The following ABCC5 variants were observed in gnomAD, a reference collection of about 807,000 sequenced individuals.
ABCC5 encodes ATP binding cassette subfamily C member 5.
A neutral mutation model predicts 160.9 loss-of-function variants in ABCC5; 61 were observed. The ratio of observed to expected loss-of-function variants is 0.38; its 90% confidence interval spans 0.31 to 0.47. ABCC5 has a LOEUF of 0.47. Among genes scored for constraint, ABCC5 ranks in the 20% least tolerant of loss-of-function variants. The pLI is 0.99. For synonymous variants in ABCC5, 666 were observed against 700.6 expected (o/e 0.95, Z 0.78); for missense variants, 1,308 against 1,813.3 (o/e 0.72, Z 5.06).
chr3:183,981,966 A>T, intron 7 of ABCC5, 92 bp from the exon 8 acceptor site: 1 of 1,429,278 alleles, frequency 7.0e-7, no homozygotes. Context: ...TAAAATGAGC[A>T]TATAATCCTG....
At position 183,971,580 on chromosome 3, in the gene ABCC5, C is replaced by T. The variant is rs749986921; in HGVS notation, c.1744G>A (p.Asp582Asn). The T allele has an allele frequency of 5.6e-6, 9 of 1,613,414 alleles. No individual in the cohort carries two copies. Among genetic ancestry groups the T allele is most frequent in the Non-Finnish European group, 6.8e-6 (8 of 1,179,838 alleles). Residue 582 changes from aspartate (D) to asparagine (N), a missense_variant, in exon 11 of 30, where the codon GAT (aspartate) becomes AAT (asparagine). Asp to Asn is a conservative substitution (Grantham distance 23). This residue lies in a region of ABCC5 where 1,142 missense variants were observed against 1,527.1 expected (regional missense o/e 0.75). Transcript: ENST00000334444. ...LRLQRTLHSI[D>N]LEIQEGKLVG... ...CCACTTACCTCTTGGATCTCCAGAT[C>T]GATGCTGTGCAGTGTCCTCTGTAAG...
Position 183,987,611 on chromosome 3 carries a change from G to T in ABCC5, c.591+159C>A, listed in dbSNP as rs969535803. The T allele has an allele frequency of 9.4e-6, 9 of 960,738 alleles. No homozygotes were observed. The Admixed American group carries it at 1.6e-4, about 17-fold the overall frequency. The allele number at this position is 960,738 out of a possible 1,614,324, so 59.5% of individuals were successfully genotyped here. A position where few individuals can be genotyped will look rare whatever the true frequency, so the allele number is the denominator to read the frequency against. On this transcript the variant is annotated intron_variant, in intron 5 of 29. Coordinates refer to ENST00000334444, the MANE Select transcript of ABCC5 (RefSeq NM_005688.4). The surrounding 1 kb of genome is among the most constrained non-coding windows in gnomAD (Gnocchi z 4.2). ...ACACTGCCCTTTCATCCTTCCAGCT[G>T]TTGCCAAAATCCATCGACCCCTTTC...
At position 183,951,574 on chromosome 3, in the gene ABCC5, A is replaced by G. The variant is rs776246397; in HGVS notation, c.2815-4T>C. On this transcript the variant is annotated splice_polypyrimidine_tract_variant and splice_region_variant and intron_variant, in intron 19 of 29. Transcript: ENST00000334444. The surrounding 1 kb of genome is among the most constrained non-coding windows in gnomAD (Gnocchi z 4.7). ...GGGAGGAAGCTCGCAGCGTGCCCTGAGGAGCAGAGCACAGAGTGGTCAGGG... is the reference window on the plus strand; with the variant it reads ...GGGAGGAAGCTCGCAGCGTGCCCTGGGGAGCAGAGCACAGAGTGGTCAGGG... 4.3e-6 allele frequency: 7 copies of G among 1,613,828 alleles called. No homozygotes were observed. The highest frequency in any genetic ancestry group is 1.7e-5 in the Admixed American group (1 of 60,002).
In ABCC5 at chr3:183,981,842, C is replaced by T. The variant is rs1418844419; in HGVS notation, c.1032G>A (p.Arg344=). Reference sequence around the variant, plus strand: ...CATCCGTGGCGGCCACGCATTTTCTCCTGAAATATGCTGTGAGCCGTGATG... The same window carrying T: ...CATCCGTGGCGGCCACGCATTTTCTTCTGAAATATGCTGTGAGCCGTGATG... ...MFASRLTAYF[R]RKCVAATDER... The change falls in exon 8 of 30, where the codon AGG becomes AGA. Residue 344 remains arginine (R), a synonymous_variant. Coordinates refer to ENST00000334444, the MANE Select transcript of ABCC5 (RefSeq NM_005688.4). The T allele has an allele frequency of 6.2e-7, 1 of 1,610,226 alleles. No homozygotes were observed. The highest frequency in any genetic ancestry group is 8.5e-7 in the Non-Finnish European group (1 of 1,178,972).
intron 2 of ABCC5, among the ~76,000 whole-genome samples, chr3:183,997,448 C>A (rs1467068752): frequency 6.6e-6 from 1 of 152,168 alleles, no homozygotes; most frequent in Non-Finnish European, 1.5e-5. Flanking sequence ...ATCTTAGGGT[C>A]TGTCTCAACG....
At chr3:183,971,427 G>T in intron 11 of ABCC5, 136 bp downstream of exon 11, 2 of 712,144 alleles carry the variant, frequency 2.8e-6, no homozygotes, top group Non-Finnish European at 4.6e-6. Context: ...GTTAGAGCTG[G>T]TCTAATTTGC....
Position 183,987,283 on chromosome 3 carries a change from G to T in ABCC5, c.591+487C>A, listed in dbSNP as rs533806676. 547 of 226,084 alleles carry T rather than the reference G, an allele frequency of 2.4e-3. 4 individuals carry two copies. The highest frequency in any genetic ancestry group is 4.3e-3 in the South Asian group (50 of 11,714). The allele number at this position is 226,084 out of a possible 1,614,324, so 14.0% of individuals were successfully genotyped here. A position where few individuals can be genotyped will look rare whatever the true frequency, so the allele number is the denominator to read the frequency against. On this transcript the variant is annotated intron_variant, in intron 5 of 29. Transcript: ENST00000334444. The surrounding 1 kb of genome is among the most constrained non-coding windows in gnomAD (Gnocchi z 4.2). The stretch of plus-strand genomic sequence containing the variant: ...GTCACACTATAAGCCAAACTTAAAC[G>T]GACTCCAGGTCAGACTCTAAAATCC...
intron 26 of ABCC5, among the ~76,000 whole-genome samples, chr3:183,936,562 C>CAGTG (rs1713739931): frequency 6.6e-6 from 1 of 151,618 alleles, no homozygotes; most frequent in African/African-American, 2.4e-5. Flanking sequence ...GGCTACAGTG[C>CAGTG]AGTGGCATGA....
intron 2 of ABCC5, among the ~76,000 whole-genome samples, chr3:184,008,074 A>C (rs1199424969): frequency 1.3e-5 from 2 of 152,250 alleles, no homozygotes; most frequent in East Asian, 3.9e-4. Context: ...TTCTCCTTTT[A>C]CTAATTCCCA....
At chr3:183,997,331 G>GA (rs1321749181) in intron 2 of ABCC5, among the ~76,000 whole-genome samples, 264 of 152,262 alleles carry the variant, frequency 1.7e-3, no homozygotes, top group African/African-American at 6.1e-3. Context: ...ACCACATAGG[G>GA]ATGAGAGGAA....
intron 28 of ABCC5, among the ~76,000 whole-genome samples, chr3:183,926,817 C>T (rs537842676): frequency 1.2e-4 from 19 of 152,182 alleles, no homozygotes; most frequent in African/African-American, 3.4e-4. Context: ...GAGGCCAAAG[C>T]GGGCAGATCA....
chr3:183,929,475 C>T (rs368804756), intron 26 of ABCC5, among the ~76,000 whole-genome samples: 36 of 152,138 alleles, frequency 2.4e-4, no homozygotes, highest in Non-Finnish European at 4.9e-4. Flanking sequence ...TCTCTCCATA[C>T]GTACAAACTT....
Position 183,951,828 on chromosome 3 carries a change from G to A in ABCC5, c.2814+29C>T, listed in dbSNP as rs747551459. 5.6e-6 allele frequency: 9 copies of A among 1,603,880 alleles called. No individual in the cohort carries two copies. The East Asian group carries it at 1.3e-4, about 24-fold the overall frequency. On this transcript the variant is annotated intron_variant, in intron 19 of 29. Coordinates refer to ENST00000334444, the MANE Select transcript of ABCC5 (RefSeq NM_005688.4). This position sits in a 1 kb window ranked among gnomAD's most constrained non-coding sequence, Gnocchi z 4.7. ...AGCCTGACCACAGGTCACCAGGGAG[G>A]AGGGCAGAGACCACCCACCAATGCA...
chr3:183,987,683 A>G lies in ABCC5; in HGVS notation c.591+87T>C. ...AAGACTGCTACCTAGCCCAAAGCTG[A>G]GCACAACCTCTGCAACAGAATAAGA... On this transcript the variant is annotated intron_variant, in intron 5 of 29. Transcript: ENST00000334444. This position sits in a 1 kb window ranked among gnomAD's most constrained non-coding sequence, Gnocchi z 4.2. 6.3e-7 allele frequency: 1 copy of G among 1,583,706 alleles called. No individual in the cohort carries two copies. Among genetic ancestry groups the G allele is most frequent in the Non-Finnish European group, 8.6e-7 (1 of 1,161,206 alleles).
intron 24 of ABCC5, among the ~76,000 whole-genome samples, chr3:183,944,392 C>CA (rs993362555): frequency 4.1e-5 from 6 of 146,688 alleles, no homozygotes; most frequent in South Asian, 2.2e-4. Flanking sequence ...GACCCTCTCT[C>CA]AAAAAAAATA....
In ABCC5 at chr3:183,927,491, A is replaced by G. The variant is rs776387086; in HGVS notation, c.3934-48T>C. ...TCAGAGGGGTAAGAAACTAAGCTGA[A>G]TTTCCTGAAAATCCAAGGACAGAAA... On this transcript the variant is annotated intron_variant, in intron 27 of 29. Coordinates refer to ENST00000334444, the MANE Select transcript of ABCC5 (RefSeq NM_005688.4). 3 of 1,565,912 alleles carry G rather than the reference A, an allele frequency of 1.9e-6. No homozygotes were observed. The South Asian group carries it at 3.5e-5, about 18-fold the overall frequency.
At chr3:183,969,769 GT>G (rs1417562003) in intron 11 of ABCC5, among the ~76,000 whole-genome samples, 1 of 151,502 alleles carries the variant, frequency 6.6e-6, no homozygotes, top group Non-Finnish European at 1.5e-5. Context: ...ATAGTTTCAA[GT>G]GGTGTCACTA....
chr3:183,939,726 A>ACC (rs1359102156), intron 25 of ABCC5, among the ~76,000 whole-genome samples: 3 of 152,222 alleles, frequency 2.0e-5, no homozygotes, highest in African/African-American at 7.2e-5. Flanking sequence ...ACAGAGCCAA[A>ACC]AAGAAAAGAA....
intron 17 of ABCC5, among the ~76,000 whole-genome samples, chr3:183,956,935 C>A (rs868154582): frequency 1.4e-5 from 2 of 141,874 alleles, no homozygotes; most frequent in African/African-American, 5.3e-5. Context: ...TAAATCACAT[C>A]GGTTACATGC....
Sources: gnomAD v4.1 joint callset for allele counts (sites outside exome capture counted in the v4.1 genomes callset) on GRCh38, gnomAD v4.1.1 for gene constraint, gnomAD v4.1.1 regional missense constraint, Gnocchi (gnomAD v3.1) non-coding constraint, MANE v1.5 for transcripts, NCBI Gene and HGNC (gene_info 2026-07-23, HGNC 2026-07-21) for gene names.